SP100: variants seen among roughly 807,000 people sequenced by gnomAD.
SP100 encodes the protein nuclear autoantigen Sp-100.
Under a neutral mutation model 130.0 loss-of-function variants are expected in SP100, and 84 were observed. That is an observed-to-expected ratio of 0.65 (90% CI 0.54 to 0.77). SP100 has a LOEUF of 0.77. SP100 is among the 30% of genes least tolerant of loss of function. The pLI, the probability that SP100 is intolerant of heterozygous loss-of-function variation, is 0.00. For synonymous variants in SP100, 331 were observed against 351.7 expected (o/e 0.94, Z 0.66); for missense variants, 978 against 1,052.2 (o/e 0.93, Z 0.97).
intron 2 of SP100, among the ~76,000 whole-genome samples, chr2:230,424,668 C>CA (rs770362175): frequency 0.27 from 29,659 of 111,476 alleles, 3,657 homozygotes; most frequent in Middle Eastern, 0.35. Flanking sequence ...GACTCCATCT[C>CA]AAAAAAAAAA....
intron 2 of SP100, among the ~76,000 whole-genome samples, chr2:230,441,514 A>T (rs1457053756): frequency 6.6e-6 from 1 of 152,228 alleles, no homozygotes; most frequent in East Asian, 1.9e-4. Context: ...AAACTGAATA[A>T]GCAGATTGTG....
chr2:230,461,179 A>T, intron 8 of SP100, 83 bp from the exon 9 acceptor site: 2 of 1,361,496 alleles, frequency 1.5e-6, no homozygotes, highest in Non-Finnish European at 2.1e-6. Context: ...CAGCAGTGAA[A>T]TTGCAGAGAG....
At chr2:230,529,167 G>A (rs532131680) in intron 24 of SP100, among the ~76,000 whole-genome samples, 43 of 152,150 alleles carry the variant, frequency 2.8e-4, no homozygotes, top group African/African-American at 7.9e-4. Context: ...ACATCAATGC[G>A]AAACTCCTCA....
chr2:230,491,700 C>T (rs953654331), intron 17 of SP100, among the ~76,000 whole-genome samples: 32 of 152,162 alleles, frequency 2.1e-4, no homozygotes, highest in Non-Finnish European at 3.5e-4. Flanking sequence ...AATCTGCCCC[C>T]GTGATCCAAA....
At chr2:230,421,504 C>CATAT (rs55963279) in intron 2 of SP100, among the ~76,000 whole-genome samples, 23,612 of 146,050 alleles carry the variant, frequency 0.16, 1,988 homozygotes, top group Non-Finnish European at 0.19. Flanking sequence ...AGAAGATATA[C>CATAT]ATATATATAT....
intron 2 of SP100, among the ~76,000 whole-genome samples, chr2:230,441,992 T>C (rs2063488410): frequency 6.6e-6 from 1 of 152,208 alleles, no homozygotes; most frequent in Non-Finnish European, 1.5e-5. Flanking sequence ...CTCTTTGTCA[T>C]TGTGAATCTA....
At chr2:230,440,973 T>G (rs917533442) in intron 2 of SP100, among the ~76,000 whole-genome samples, 3 of 152,130 alleles carry the variant, frequency 2.0e-5, no homozygotes, top group African/African-American at 4.8e-5. Context: ...AAAAATAAAT[T>G]GGATTTCATC....
At position 230,452,818 on chromosome 2, in the gene SP100, G is replaced by GTTT. The variant is rs371944455; in HGVS notation, c.820+2580_820+2582dup. Among the ~76,000 whole-genome samples the GTTT allele has an allele frequency of 5.9e-3, 726 of 122,018 alleles. 9 individuals are homozygous for GTTT. The highest frequency in any genetic ancestry group is 0.02 in the African/African-American group (639 of 32,306). The allele number at this position is 122,018 out of a possible 152,430, so 80.0% of individuals were successfully genotyped here. A position where few individuals can be genotyped will look rare whatever the true frequency, so the allele number is the denominator to read the frequency against. On this transcript the variant is annotated intron_variant, in intron 8 of 28. Coordinates refer to ENST00000340126, the MANE Select transcript of SP100 (RefSeq NM_001080391.2). ...CTGAATTTGTTTATTAGTTCTAGCA[G>GTTT]TTTTTTTTTTTTTTTTTTTGGTGGA...
intron 1 of SP100, chr2:230,416,986 G>C (rs3754945): frequency 0.12 from 70,089 of 593,958 alleles, 5,145 homozygotes; most frequent in African/African-American, 0.27. Flanking sequence ...TTCTCTAGTA[G>C]TGAGTTGAGA....
intron 14 of SP100, chr2:230,469,782 A>T: frequency 8.4e-7 from 1 of 1,187,292 alleles, no homozygotes; most frequent in Admixed American, 3.1e-5. Context: ...CCCAAAGTTA[A>T]AAAAAAAAAA....
At chr2:230,449,986 G>A (rs1016979971) in intron 7 of SP100, among the ~76,000 whole-genome samples, 186 bp from the exon 8 acceptor site, 1 of 152,180 alleles carries the variant, frequency 6.6e-6, no homozygotes, top group Non-Finnish European at 1.5e-5. Context: ...AAGGCAAAAG[G>A]AGAAAGTAAG....
At chr2:230,511,009 G>T in intron 23 of SP100, 116 bp from the exon 24 acceptor site, 1 of 748,386 alleles carries the variant, frequency 1.3e-6, no homozygotes, top group Non-Finnish European at 2.4e-6. Context: ...AAGCAGACAT[G>T]AAACAAAAGA....
At position 230,432,741 on chromosome 2, in the gene SP100, G is replaced by A. The variant is rs140351387; in HGVS notation, c.108-10196G>A. Among the ~76,000 whole-genome samples the A allele has an allele frequency of 3.0e-3, 459 of 152,236 alleles. 2 individuals are homozygous for A. The highest frequency in any genetic ancestry group is 5.1e-3 in the Non-Finnish European group (345 of 67,984). ...GAATTCTTTACATATCTGAATACAA[G>A]TAGTTTATTAAAAATATGATTGGCT... is the stretch of plus-strand genomic sequence containing the variant. On this transcript the variant is annotated intron_variant, in intron 2 of 28. Coordinates refer to ENST00000340126, the MANE Select transcript of SP100 (RefSeq NM_001080391.2).
intron 2 of SP100, among the ~76,000 whole-genome samples, chr2:230,438,893 C>G (rs2063382839): frequency 6.6e-6 from 1 of 152,026 alleles, no homozygotes; most frequent in African/African-American, 2.4e-5. Flanking sequence ...AGTGGGATTG[C>G]TGGATCAAAT....
chr2:230,515,296 C>T, intron 24 of SP100: 2 of 1,611,738 alleles, frequency 1.2e-6, no homozygotes, highest in Non-Finnish European at 1.7e-6. Context: ...GTTCAAGGAT[C>T]CCAATGCACC....
At chr2:230,463,110 A>G (rs1461860874) in intron 10 of SP100, among the ~76,000 whole-genome samples, 1 of 152,216 alleles carries the variant, frequency 6.6e-6, no homozygotes, top group Non-Finnish European at 1.5e-5. Flanking sequence ...ATTTACAATA[A>G]CCTTAAAGGG....
chr2:230,491,510 C>G (rs995389202), intron 17 of SP100, among the ~76,000 whole-genome samples: 15 of 152,222 alleles, frequency 9.9e-5, no homozygotes, highest in African/African-American at 3.6e-4. Context: ...CATCCAGCCT[C>G]CCTGGCTCCA....
At chr2:230,473,687 G>A (rs771253103) in intron 16 of SP100, among the ~76,000 whole-genome samples, 9 of 152,162 alleles carry the variant, frequency 5.9e-5, no homozygotes, top group East Asian at 1.9e-4. Flanking sequence ...CCAGAATCCT[G>A]TTCTCTACAT....
intron 24 of SP100, among the ~76,000 whole-genome samples, chr2:230,511,865 T>A (rs1690612343): frequency 6.6e-6 from 1 of 152,184 alleles, no homozygotes; most frequent in Non-Finnish European, 1.5e-5. Context: ...TAAGGCTGTT[T>A]AGGAATAAAT....
Sources: gnomAD v4.1 joint callset for allele counts (sites outside exome capture counted in the v4.1 genomes callset) on GRCh38, gnomAD v4.1.1 for gene constraint, MANE v1.5 for transcripts, NCBI Gene and HGNC (gene_info 2026-07-23, HGNC 2026-07-21) for gene names.